Variants in KCNH7 observed in about 807,000 individuals in gnomAD.
KCNH7 encodes potassium voltage-gated channel subfamily H member 7.
A neutral mutation model predicts 120.8 loss-of-function variants in KCNH7; 49 were observed. The ratio of observed to expected loss-of-function variants is 0.41; its 90% CI spans 0.32 to 0.51. The LOEUF (loss-of-function observed/expected upper bound fraction) is 0.51. Among genes scored for constraint, KCNH7 ranks in the 20% least tolerant of loss-of-function variants. KCNH7 has a pLI of 0.38. For missense variants in KCNH7, 1,097 were observed against 1,446.6 expected, an observed-to-expected ratio of 0.76 and a Z score of 3.92; for synonymous variants, 547 against 516.1, an observed-to-expected ratio of 1.06 and a Z score of -0.81.
rs71009368 is a variant in KCNH7, at chr2:162,724,671, CA to C, written c.307+111865del. Reference sequence around the variant, plus strand: ...TGGGCGACAGAGCGAGACTCCGTCTCAAAAAAAAAAAAAGAATATACTGTAA... The same window carrying C: ...TGGGCGACAGAGCGAGACTCCGTCTCAAAAAAAAAAAAGAATATACTGTAA... On this transcript the variant is annotated intron_variant, in intron 2 of 15. Transcript: ENST00000332142. Among the ~76,000 whole-genome samples, 187 of 123,752 alleles carry C rather than the reference CA, an allele frequency of 1.5e-3. 2 individuals carry two copies. The highest frequency in any genetic ancestry group is 4.1e-3 in the Middle Eastern group (1 of 246). The allele number at this position is 123,752 out of a possible 152,430, so 81.2% of individuals were successfully genotyped here.
intron 2 of KCNH7, among the ~76,000 whole-genome samples, chr2:162,772,447 C>T (rs1294859838): frequency 2.6e-5 from 4 of 152,084 alleles, no homozygotes; most frequent in Non-Finnish European, 4.4e-5. Context: ...ACATTCAATC[C>T]CCATGACAAT....
intron 2 of KCNH7, among the ~76,000 whole-genome samples, chr2:162,770,487 C>T (rs1434998): frequency 0.28 from 42,508 of 151,538 alleles, 6,908 homozygotes; most frequent in African/African-American, 0.46. Flanking sequence ...TCAGATTGTA[C>T]GCTTTGGGTC....
chr2:162,576,903 C>CTTAT (rs201593342), intron 2 of KCNH7, among the ~76,000 whole-genome samples: 3,420 of 150,456 alleles, frequency 0.023, 286 homozygotes, highest in Admixed American at 0.17. Flanking sequence ...TATTCTTTTT[C>CTTAT]TTCTTTATTT....
At position 162,504,437 on chromosome 2, in the gene KCNH7, T is replaced by G; in HGVS notation, c.1128+6A>C. On this transcript the variant is annotated splice_donor_region_variant and intron_variant, in intron 6 of 15. Coordinates refer to ENST00000332142, the MANE Select transcript of KCNH7 (RefSeq NM_033272.4). Reference sequence around the variant, plus strand: ...AGTTGAAATTGATAAGAAAATTGTGTCCTACCTGGGTCACTTTCTCAGTCA... The same window carrying G: ...AGTTGAAATTGATAAGAAAATTGTGGCCTACCTGGGTCACTTTCTCAGTCA... 6.2e-7 allele frequency: 1 copy of G among 1,600,884 alleles called. No individual in the cohort carries two copies. The highest frequency in any genetic ancestry group is 8.6e-7 in the Non-Finnish European group (1 of 1,168,418).
At chr2:162,726,616 C>T (rs1192516187) in intron 2 of KCNH7, among the ~76,000 whole-genome samples, 5 of 152,112 alleles carry the variant, frequency 3.3e-5, no homozygotes, top group African/African-American at 1.2e-4. Context: ...GACAAGGTTT[C>T]ACCGTGTTGG....
intron 2 of KCNH7, among the ~76,000 whole-genome samples, chr2:162,820,093 G>T (rs1046644162): frequency 5.7e-5 from 8 of 140,122 alleles, no homozygotes; most frequent in Admixed American, 2.3e-4. Flanking sequence ...AGGCTGGAGT[G>T]CAGTGGCGCT....
At chr2:162,417,644 T>C (rs568211108) in intron 9 of KCNH7, among the ~76,000 whole-genome samples, 1 of 152,242 alleles carries the variant, frequency 6.6e-6, no homozygotes, top group East Asian at 1.9e-4. Flanking sequence ...GGGCATACTG[T>C]CATTATTTTT....
At chr2:162,824,867 G>A (rs1054932377) in intron 2 of KCNH7, among the ~76,000 whole-genome samples, 3 of 151,846 alleles carry the variant, frequency 2.0e-5, no homozygotes, top group Non-Finnish European at 4.4e-5. Context: ...GAGAGAGAGG[G>A]AGAGAGTATA....
chr2:162,781,142 A>G (rs1683467855), intron 2 of KCNH7, among the ~76,000 whole-genome samples: 1 of 152,084 alleles, frequency 6.6e-6, no homozygotes, highest in Non-Finnish European at 1.5e-5. Flanking sequence ...TACCAAGTGT[A>G]TATTCACACT....
chr2:162,400,286 G>A lies in KCNH7; in HGVS notation c.2310C>T (p.Asp770=). 6.2e-7 allele frequency: 1 copy of A among 1,612,486 alleles called. No homozygotes were observed. Among genetic ancestry groups the A allele is most frequent in the Non-Finnish European group, 8.5e-7 (1 of 1,178,990 alleles). The change falls in exon 10 of 16, where the codon GAC becomes GAT. Residue 770 remains aspartate (D), a synonymous_variant. Coordinates refer to ENST00000332142, the MANE Select transcript of KCNH7 (RefSeq NM_033272.4). ...KFKTTHAPPG[D]TLVHCGDVLT... The stretch of plus-strand genomic sequence containing the variant: ...GGACATCCCCACAGTGAACGAGGGT[G>A]TCTCCTGGAGGTGCATGGGTGGTTT...
At chr2:162,605,767 A>T (rs942925569) in intron 2 of KCNH7, among the ~76,000 whole-genome samples, 2 of 152,078 alleles carry the variant, frequency 1.3e-5, no homozygotes, top group African/African-American at 4.8e-5. Flanking sequence ...GTTTCATTTT[A>T]CAGTATTCAC....
At chr2:162,425,800 A>G (rs777179462) in intron 8 of KCNH7, among the ~76,000 whole-genome samples, 6 of 152,174 alleles carry the variant, frequency 3.9e-5, no homozygotes, top group Non-Finnish European at 7.4e-5. Context: ...TGGATGGTAG[A>G]GTTTTATCTC....
intron 2 of KCNH7, among the ~76,000 whole-genome samples, chr2:162,631,680 A>G (rs914454028): frequency 2.6e-5 from 4 of 152,060 alleles, no homozygotes; most frequent in Admixed American, 6.6e-5. Flanking sequence ...GAAACATCAT[A>G]GAAAAAAATT....
At chr2:162,458,200 A>G (rs1386872227) in intron 6 of KCNH7, among the ~76,000 whole-genome samples, 1 of 151,796 alleles carries the variant, frequency 6.6e-6, no homozygotes. Flanking sequence ...AGTGTTTAGC[A>G]TTTTGTTTTG....
intron 2 of KCNH7, among the ~76,000 whole-genome samples, chr2:162,651,813 C>A (rs1684576082): frequency 6.6e-6 from 1 of 152,174 alleles, no homozygotes; most frequent in Admixed American, 6.6e-5. Flanking sequence ...AATTTACACT[C>A]CCACCAACAG....
At chr2:162,404,659 T>G (rs1474397890) in intron 9 of KCNH7, among the ~76,000 whole-genome samples, 1 of 151,936 alleles carries the variant, frequency 6.6e-6, no homozygotes, top group African/African-American at 2.4e-5. Context: ...GACCGTAAGT[T>G]CCTGAGGCCT....
chr2:162,654,140 G>A (rs1574225647), intron 2 of KCNH7, among the ~76,000 whole-genome samples: 3 of 145,470 alleles, frequency 2.1e-5, no homozygotes, highest in African/African-American at 2.5e-5. Flanking sequence ...AGCAAAAATA[G>A]AAAAATGGAT....
At chr2:162,762,011 CAAG>C (rs143830185) in intron 2 of KCNH7, among the ~76,000 whole-genome samples, 1,573 of 152,176 alleles carry the variant, frequency 0.01, 31 homozygotes, top group African/African-American at 0.034. Context: ...GTGAGTCCCT[CAAG>C]AATGGGCAGA....
intron 14 of KCNH7, among the ~76,000 whole-genome samples, chr2:162,378,130 T>A (rs1573888463): frequency 6.6e-6 from 1 of 152,160 alleles, no homozygotes. Context: ...AGAAGTGAAG[T>A]TCCTTGTTAA....
Sources: gnomAD v4.1 joint callset for allele counts (sites outside exome capture counted in the v4.1 genomes callset) on GRCh38, gnomAD v4.1.1 for gene constraint, MANE v1.5 for transcripts, NCBI Gene and HGNC (gene_info 2026-07-23, HGNC 2026-07-21) for gene names.